Variants in DENND11 observed in about 807,000 individuals in gnomAD.
DENND11 encodes the protein DENN domain containing 11.
In DENND11, 34 loss-of-function variants were observed where a neutral mutation model predicts 49.2. The ratio of observed to expected loss-of-function variants is 0.69; its 90% CI spans 0.53 to 0.92. The LOEUF is 0.92. Ranked by LOEUF, DENND11 falls within the 40% of genes least tolerant of loss-of-function variation. The pLI is 0.00. For missense variants in DENND11, 475 were observed against 581.6 expected (o/e 0.82, Z 1.88); for synonymous variants, 238 against 230.3 (o/e 1.03, Z -0.30).
At chr7:141,672,007 G>C (rs13225438) in intron 4 of DENND11, among the ~76,000 whole-genome samples, 17,167 of 152,270 alleles carry the variant, frequency 0.11, 1,378 homozygotes, top group East Asian at 0.36. Flanking sequence ...TCTTGCTCCA[G>C]CTAGTATTTC....
In DENND11 at chr7:141,661,128, G is replaced by T. The variant is rs974564196; in HGVS notation, c.*1528C>A. 3 of 152,186 alleles carry T rather than the reference G, an allele frequency of 2.0e-5. No individual in the cohort carries two copies. Among genetic ancestry groups the T allele is most frequent in the African/African-American group, 7.2e-5 (3 of 41,444 alleles). The allele number at this position is 152,186 out of a possible 1,614,324, so 9.4% of individuals were successfully genotyped here. On this transcript the variant is annotated 3_prime_UTR_variant, in exon 9 of 9. Coordinates refer to ENST00000536163, the MANE Select transcript of DENND11 (RefSeq NM_001080392.2). ...GAGATGTGTGAACCACCATTTGAAT[G>T]TTATTTCTCCCTGCTGTGTACATTA...
chr7:141,697,724 T>C (rs1022110125), intron 1 of DENND11, among the ~76,000 whole-genome samples: 1 of 152,102 alleles, frequency 6.6e-6, no homozygotes, highest in Non-Finnish European at 1.5e-5. Context: ...CTATTCTCAC[T>C]GGGCCTCCAT....
Position 141,658,139 on chromosome 7 carries a change from A to G in DENND11, c.*4517T>C, listed in dbSNP as rs1165013157. The G allele has an allele frequency of 1.3e-5, 2 of 152,226 alleles. No homozygotes were observed. The highest frequency in any genetic ancestry group is 4.8e-5 in the African/African-American group (2 of 41,458). The allele number at this position is 152,226 out of a possible 1,614,324, so 9.4% of individuals were successfully genotyped here. ...AAAACTGCCCATTTCTTCTAGAATA[A>G]TAGTTTTAAAATTTCCTTCCATTTC... On this transcript the variant is annotated 3_prime_UTR_variant, in exon 9 of 9. Coordinates refer to ENST00000536163, the MANE Select transcript of DENND11 (RefSeq NM_001080392.2).
At position 141,657,615 on chromosome 7, in the gene DENND11, T is replaced by C. The variant is rs1797717918; in HGVS notation, c.*5041A>G. 6.6e-6 allele frequency: 1 copy of C among 152,312 alleles called. No individual in the cohort carries two copies. The highest frequency in any genetic ancestry group is 1.5e-5 in the Non-Finnish European group (1 of 68,032). The allele number at this position is 152,312 out of a possible 1,614,324, so 9.4% of individuals were successfully genotyped here. A position where few individuals can be genotyped will look rare whatever the true frequency, so the allele number is the denominator to read the frequency against. ...AATTTATTGTTAGTCTAAATAAGCA[T>C]TCTATAGCAAACATAAGTAATTCAC... is the stretch of plus-strand genomic sequence containing the variant. On this transcript the variant is annotated 3_prime_UTR_variant, in exon 9 of 9. Coordinates refer to ENST00000536163, the MANE Select transcript of DENND11 (RefSeq NM_001080392.2).
chr7:141,666,413 C>A lies in DENND11; in HGVS notation c.694G>T (p.Ala232Ser). Reference protein sequence around the residue: ...MYPEMKITHPAGCMSQFIKFF... With the variant: ...MYPEMKITHPSGCMSQFIKFF... ...TTTATAAACTGAGACATGCAGCCAG[C>A]TGGGTGTGTGATCTGAAAAAATTGA... The change falls in exon 5 of 9, where the codon GCT (alanine) becomes TCT (serine). Residue 232 changes from alanine (A) to serine (S), a missense_variant. Coordinates refer to ENST00000536163, the MANE Select transcript of DENND11 (RefSeq NM_001080392.2). 1 of 1,604,534 alleles carries A rather than the reference C, an allele frequency of 6.2e-7. No homozygotes were observed. Among genetic ancestry groups the A allele is most frequent in the South Asian group, 1.1e-5 (1 of 90,172 alleles).
chr7:141,692,725 G>A (rs559272679), intron 1 of DENND11, among the ~76,000 whole-genome samples: 8 of 151,922 alleles, frequency 5.3e-5, no homozygotes, highest in Non-Finnish European at 7.4e-5. Flanking sequence ...TGTGCCTGTC[G>A]TGCTAGCTAC....
intron 8 of DENND11, 76 bp from the exon 9 acceptor site, chr7:141,662,927 A>C (rs1377874553): frequency 9.4e-7 from 1 of 1,068,252 alleles, no homozygotes; most frequent in African/African-American, 1.6e-5. Flanking sequence ...ACATATGGGG[A>C]ACCAAAACTA....
intron 8 of DENND11, 116 bp from the exon 9 acceptor site, chr7:141,662,967 G>T: frequency 1.5e-6 from 1 of 648,954 alleles, no homozygotes; most frequent in Non-Finnish European, 2.4e-6. Flanking sequence ...CTTTTCAGTG[G>T]ATTCGCAGGT....
In DENND11 at chr7:141,657,398, A is replaced by C. The variant is rs930346511; in HGVS notation, c.*5258T>G. On this transcript the variant is annotated 3_prime_UTR_variant, in exon 9 of 9. Coordinates refer to ENST00000536163, the MANE Select transcript of DENND11 (RefSeq NM_001080392.2). ...CTTTTTTTTGTATAACACCATCTTA[A>C]AATTTTTTAGTATACTTTATCTTTC... 4 of 152,134 alleles carry C rather than the reference A, an allele frequency of 2.6e-5. No homozygotes were observed. The highest frequency in any genetic ancestry group is 2.6e-4 in the Admixed American group (4 of 15,276). 9.4% of individuals were successfully genotyped at this position (152,134 alleles called of 1,614,324 possible).
chr7:141,695,411 C>A, intron 1 of DENND11, among the ~76,000 whole-genome samples: 1 of 118,126 alleles, frequency 8.5e-6, no homozygotes, highest in Non-Finnish European at 2.0e-5. Context: ...ATAATTGAGG[C>A]AATGCACCAC....
chr7:141,664,814 A>G, intron 7 of DENND11, 90 bp downstream of exon 7: 1 of 1,356,806 alleles, frequency 7.4e-7, no homozygotes, highest in Non-Finnish European at 1.0e-6. Context: ...GTGTCAGGGA[A>G]GGGGCAGAAG....
intron 7 of DENND11, among the ~76,000 whole-genome samples, 162 bp from the exon 8 acceptor site, chr7:141,664,402 G>T (rs1016235074): frequency 1.3e-5 from 2 of 152,154 alleles, no homozygotes; most frequent in Non-Finnish European, 2.9e-5. Context: ...GGGGTCCAGG[G>T]CCAGTTCTGC....
chr7:141,677,609 G>A (rs532743435), intron 3 of DENND11, among the ~76,000 whole-genome samples: 1 of 151,026 alleles, frequency 6.6e-6, no homozygotes, highest in African/African-American at 2.4e-5. Context: ...CATTTACTGC[G>A]GGTGCAGGGA....
At chr7:141,664,815 G>C in intron 7 of DENND11, 89 bp downstream of exon 7, 1 of 1,368,428 alleles carries the variant, frequency 7.3e-7, no homozygotes, top group African/African-American at 1.5e-5. Context: ...TGTCAGGGAA[G>C]GGGCAGAAGA....
intron 1 of DENND11, among the ~76,000 whole-genome samples, chr7:141,698,964 G>C (rs1798460374): frequency 6.6e-6 from 1 of 152,044 alleles, no homozygotes. Context: ...AGGTGGGTGT[G>C]GGGTGGGGGG....
rs1477800266 is a variant in DENND11 at position 141,666,504 on chromosome 7, CCTT to C, written c.682-82_682-80del. ...AAATATAGCAAAAGGTATCTAATCT[CCTT>C]CTCTGAAATTCTAAAGTCCATCCAA... On this transcript the variant is annotated intron_variant, in intron 4 of 8. Transcript: ENST00000536163. 54 of 1,335,060 alleles carry C rather than the reference CCTT, an allele frequency of 4.0e-5. 1 individual carries two copies. The highest frequency in any genetic ancestry group is 1.0e-4 in the African/African-American group (7 of 68,118). The allele number at this position is 1,335,060 out of a possible 1,614,324, so 82.7% of individuals were successfully genotyped here.
chr7:141,673,540 C>T (rs988274628), intron 4 of DENND11, among the ~76,000 whole-genome samples: 3 of 152,146 alleles, frequency 2.0e-5, no homozygotes, highest in African/African-American at 7.2e-5. Flanking sequence ...ATCCTGTGAC[C>T]AACCACAGGA....
chr7:141,701,599 G>T (rs1055309557), intron 1 of DENND11: 6 of 211,954 alleles, frequency 2.8e-5, no homozygotes, highest in Non-Finnish European at 5.6e-5. Context: ...GTGGGGCTGG[G>T]ACTCAGAGGA....
intron 6 of DENND11, 45 bp downstream of exon 6, chr7:141,665,142 G>A (rs201749951): frequency 3.5e-4 from 557 of 1,611,902 alleles, no homozygotes; most frequent in Admixed American, 4.7e-4. Context: ...GGGAGGAGCA[G>A]GGCTGGGACC....
Sources: gnomAD v4.1 joint callset for allele counts (sites outside exome capture counted in the v4.1 genomes callset) on GRCh38, gnomAD v4.1.1 for gene constraint, MANE v1.5 for transcripts, NCBI Gene and HGNC (gene_info 2026-07-23, HGNC 2026-07-21) for gene names.